The following EFCAB12 variants were observed in gnomAD, a reference collection of about 807,000 sequenced individuals.
EFCAB12 encodes EF-hand calcium-binding domain-containing protein 12.
Under a neutral mutation model 53.6 loss-of-function variants are expected in EFCAB12, and 43 were observed. The ratio of observed to expected loss-of-function variants is 0.80; its 90% CI spans 0.63 to 1.03. EFCAB12 has a LOEUF of 1.03. Ranked by LOEUF, EFCAB12 falls within the 50% of genes least tolerant of loss-of-function variation. The probability of loss-of-function intolerance (pLI) is 0.00; values close to 1 mark genes in which losing one functional copy is unlikely to be tolerated. For missense variants in EFCAB12, 646 were observed against 730.6 expected (o/e 0.88, Z 1.34); for synonymous variants, 269 against 289.2 (o/e 0.93, Z 0.71).
intron 5 of EFCAB12, among the ~76,000 whole-genome samples, chr3:129,410,018 T>A (rs10934883): frequency 0.023 from 3,430 of 151,912 alleles, 105 homozygotes; most frequent in African/African-American, 0.065. Context: ...TTATTTATTT[T>A]TTTTTTTAGA....
At chr3:129,416,129 C>A (rs973476035) in intron 3 of EFCAB12, among the ~76,000 whole-genome samples, 1 of 152,210 alleles carries the variant, frequency 6.6e-6, no homozygotes, top group African/African-American at 2.4e-5. Flanking sequence ...CAGAACTCTC[C>A]TGGTGCTGGC....
Position 129,421,952 on chromosome 3 carries a change from A to C in EFCAB12, c.50-149T>G, listed in dbSNP as rs372087080. 57 of 831,400 alleles carry C rather than the reference A, an allele frequency of 6.9e-5. No homozygotes were observed. In the Middle Eastern group the frequency reaches 1.2e-3, roughly 17 times the overall value. 51.5% of individuals were successfully genotyped at this position (831,400 alleles called of 1,614,324 possible). A position where few individuals can be genotyped will look rare whatever the true frequency, so the allele number is the denominator to read the frequency against. On this transcript the variant is annotated intron_variant, in intron 1 of 8. Coordinates refer to ENST00000505956, the MANE Select transcript of EFCAB12 (RefSeq NM_207307.3). ...ATTGTCTTGCTGTAATCGTAAGGATAATTTCATCTAATGTTACCGGGTGCT... is the reference window on the plus strand; with the variant it reads ...ATTGTCTTGCTGTAATCGTAAGGATCATTTCATCTAATGTTACCGGGTGCT...
Position 129,402,583 on chromosome 3 carries a change from G to C in EFCAB12, c.1404-4C>G. The C allele has an allele frequency of 6.2e-7, 1 of 1,611,974 alleles. No homozygotes were observed. The highest frequency in any genetic ancestry group is 8.5e-7 in the Non-Finnish European group (1 of 1,178,792). On this transcript the variant is annotated splice_polypyrimidine_tract_variant and splice_region_variant and intron_variant, in intron 7 of 8. Coordinates refer to ENST00000505956, the MANE Select transcript of EFCAB12 (RefSeq NM_207307.3). Reference sequence around the variant, plus strand: ...CTTGCTTTTCTTTGGCGTTTTCCTAGTGGAGAAGAGAGAGGCATTTTGTGA... The same window carrying C: ...CTTGCTTTTCTTTGGCGTTTTCCTACTGGAGAAGAGAGAGGCATTTTGTGA...
chr3:129,414,198 C>A (rs1438162517), intron 4 of EFCAB12: 1 of 152,190 alleles, frequency 6.6e-6, no homozygotes. Flanking sequence ...AGTTTCTCTG[C>A]AGGGCAGCTG....
intron 4 of EFCAB12, chr3:129,413,175 C>G (rs1404067472): frequency 6.6e-6 from 1 of 152,040 alleles, no homozygotes; most frequent in Non-Finnish European, 1.5e-5. Context: ...TGCCAAGACG[C>G]TCAAACTCTT....
chr3:129,410,922 T>C (rs1351482047), intron 5 of EFCAB12, among the ~76,000 whole-genome samples: 1 of 152,122 alleles, frequency 6.6e-6, no homozygotes. Flanking sequence ...AATTAAAGAA[T>C]AGGGAGAGGG....
Position 129,408,690 on chromosome 3 carries a change from A to G in EFCAB12, c.1204T>C (p.Cys402Arg). 6.3e-7 allele frequency: 1 copy of G among 1,588,868 alleles called. No individual in the cohort carries two copies. The change falls in exon 6 of 9, where the codon TGT becomes CGT. Residue 402 changes from cysteine (C) to arginine (R), a missense_variant. Physicochemically the swap from Cys to Arg is radical, Grantham distance 180 (BLOSUM62 -3). Transcript: ENST00000505956. ...GTCAGCGGGAGGCCATAGGACTTAC[A>G]GAGCTTCCAGCATTGCAGGTAGACC... Reference protein sequence around the residue: ...FLVYLQCWKLCKSYGLPLTED... With the variant: ...FLVYLQCWKLRKSYGLPLTED...
Position 129,421,412 on chromosome 3 carries a change from C to T in EFCAB12, c.441G>A (p.Gln147=). Residue 147 remains glutamine, a synonymous_variant, in exon 2 of 9, where the codon CAG becomes CAA. Transcript: ENST00000505956. ...CCTGGGAGGCATTTGGCTGGGCACT[C>T]TGCTCCTCGTGGATCATGTGTAAGA... ...AKVLHMIHEE[Q]SAQPNASQAT... is the part of the protein sequence containing the mutation. 6.2e-7 allele frequency: 1 copy of T among 1,613,158 alleles called. No homozygotes were observed. Among genetic ancestry groups the T allele is most frequent in the Non-Finnish European group, 8.5e-7 (1 of 1,179,186 alleles).
chr3:129,421,417 C>T lies in EFCAB12; in HGVS notation c.436G>A (p.Glu146Lys), dbSNP rs2107741852. The T allele has an allele frequency of 6.2e-7, 1 of 1,613,544 alleles. No individual in the cohort carries two copies. Among genetic ancestry groups the T allele is most frequent in the Non-Finnish European group, 8.5e-7 (1 of 1,179,540 alleles). Residue 146 changes from glutamate (E) to lysine (K), a missense_variant, in exon 2 of 9, where the codon GAG becomes AAG. By Grantham distance (56) the Glu-to-Lys change is moderately conservative. Coordinates refer to ENST00000505956, the MANE Select transcript of EFCAB12 (RefSeq NM_207307.3). ...EAKVLHMIHE[E>K]QSAQPNASQA... ...GAGGCATTTGGCTGGGCACTCTGCT[C>T]CTCGTGGATCATGTGTAAGACCTTG...
At chr3:129,404,083 G>C (rs1458118064) in intron 7 of EFCAB12, 167 bp downstream of exon 7, 1 of 828,478 alleles carries the variant, frequency 1.2e-6, no homozygotes, top group Non-Finnish European at 1.8e-6. Context: ...AGGGTGACCC[G>C]GGACTGGCCA....
At position 129,408,758 on chromosome 3, in the gene EFCAB12, T is replaced by C; in HGVS notation, c.1136A>G (p.Asp379Gly). The part of the protein sequence containing the change: ...EHCLPSTIHG[D>G]MRELIDSARR... ...GGCCGAGTCAATGAGCTCCCTCATA[T>C]CCCCGTGGATGGTGGACGGGAGGCA... The change falls in exon 6 of 9, where the codon GAT becomes GGT. Residue 379 changes from aspartate (D) to glycine (G), a missense_variant. Asp to Gly is a moderately conservative substitution (Grantham distance 94). Transcript: ENST00000505956. 1 of 1,579,938 alleles carries C rather than the reference T, an allele frequency of 6.3e-7. No homozygotes were observed.
intron 6 of EFCAB12, among the ~76,000 whole-genome samples, chr3:129,406,706 T>C (rs2071955978): frequency 6.6e-6 from 1 of 152,148 alleles, no homozygotes. Flanking sequence ...TTTTGCCATG[T>C]TGCCCAGGCT....
chr3:129,415,088 T>C, intron 4 of EFCAB12, 157 bp downstream of exon 4: 1 of 810,224 alleles, frequency 1.2e-6, no homozygotes, highest in Non-Finnish European at 1.8e-6. Flanking sequence ...AGTTAATCTC[T>C]GGGCCTGAAA....
Position 129,401,499 on chromosome 3 carries a change from A to C in EFCAB12, c.*94T>G. 1 of 1,426,190 alleles carries C rather than the reference A, an allele frequency of 7.0e-7. No individual in the cohort carries two copies. Among genetic ancestry groups the C allele is most frequent in the Non-Finnish European group, 9.3e-7 (1 of 1,078,394 alleles). The allele number at this position is 1,426,190 out of a possible 1,614,324, so 88.3% of individuals were successfully genotyped here. ...TCTTTGAAAGGATTTCTTTAGTTTG[A>C]CTCTTTGACACTCCTCTTGTGTCTG... On this transcript the variant is annotated 3_prime_UTR_variant, in exon 9 of 9. Coordinates refer to ENST00000505956, the MANE Select transcript of EFCAB12 (RefSeq NM_207307.3).
In EFCAB12 at chr3:129,404,346, C is replaced by T. The variant is rs377734340; in HGVS notation, c.1307G>A (p.Arg436Gln). The T allele has an allele frequency of 1.3e-5, 21 of 1,613,834 alleles. No individual in the cohort carries two copies. Among genetic ancestry groups the T allele is most frequent in the East Asian group, 4.5e-5 (2 of 44,872 alleles). The part of the protein sequence containing the change: ...IFQMDKVCPI[R>Q]QPGGYYSDWK... ...GTCAGAGTAGTAGCCTCCCGGCTGC[C>T]GGATGGGGCACACTTTGTCCATCTG... is the stretch of plus-strand genomic sequence containing the variant. Residue 436 changes from arginine to glutamine, a missense_variant, in exon 7 of 9, where the codon CGG becomes CAG. Arg to Gln is a conservative substitution (Grantham distance 43). Transcript: ENST00000505956.
At chr3:129,404,438 A>G (rs368894954) in intron 6 of EFCAB12, 35 bp from the exon 7 acceptor site, 25 of 1,568,400 alleles carry the variant, frequency 1.6e-5, no homozygotes, top group Non-Finnish European at 2.0e-5. Context: ...GCACCCATCA[A>G]CCCAGACTGC....
At chr3:129,418,158 AC>A in intron 3 of EFCAB12, 95 bp downstream of exon 3, 1 of 1,218,412 alleles carries the variant, frequency 8.2e-7, no homozygotes, top group Non-Finnish European at 1.1e-6. Flanking sequence ...TTGAACCAGA[AC>A]CCAGCATGGC....
intron 5 of EFCAB12, among the ~76,000 whole-genome samples, chr3:129,410,885 A>G (rs979669684): frequency 6.6e-6 from 1 of 152,200 alleles, no homozygotes; most frequent in Non-Finnish European, 1.5e-5. Context: ...ATGAAAATGC[A>G]GGCCTGGTCT....
Position 129,418,329 on chromosome 3 carries a change from C to T in EFCAB12, c.606G>A (p.Leu202=). 6.2e-7 allele frequency: 1 copy of T among 1,613,838 alleles called. No homozygotes were observed. The highest frequency in any genetic ancestry group is 8.5e-7 in the Non-Finnish European group (1 of 1,179,796). The part of the protein sequence containing the change: ...SYLHSRKIKI[L]EIFHKVGQGE... Reference sequence around the variant, plus strand: ...CCTGGCCCACCTTGTGAAATATCTCCAGGATCTTGATCTTGCGGCTATGCA... The same window carrying T: ...CCTGGCCCACCTTGTGAAATATCTCTAGGATCTTGATCTTGCGGCTATGCA... The change falls in exon 3 of 9, where the codon CTG becomes CTA. Residue 202 remains leucine (L), a synonymous_variant. Coordinates refer to ENST00000505956, the MANE Select transcript of EFCAB12 (RefSeq NM_207307.3).
Sources: allele counts gnomAD v4.1 joint callset (sites outside exome capture counted in the v4.1 genomes callset), GRCh38; gene constraint gnomAD v4.1.1; transcripts MANE v1.5; gene names NCBI Gene and HGNC (gene_info 2026-07-23, HGNC 2026-07-21).